TEX264: variants seen among roughly 807,000 people sequenced by gnomAD.
The protein encoded by TEX264 is testis-expressed protein 264.
A neutral mutation model predicts 23.4 loss-of-function variants in TEX264; 13 were observed. The ratio of observed to expected loss-of-function variants is 0.56; its 90% CI spans 0.36 to 0.88. The LOEUF (loss-of-function observed/expected upper bound fraction) is 0.88. Ranked by LOEUF, TEX264 falls within the 40% of genes least tolerant of loss-of-function variation. The probability of loss-of-function intolerance (pLI) is 0.01; values close to 1 mark genes in which losing one functional copy is unlikely to be tolerated. For synonymous variants in TEX264, 159 were observed against 170.0 expected, an observed-to-expected ratio of 0.94 and a Z score of 0.50; for missense variants, 340 against 406.8, an observed-to-expected ratio of 0.84 and a Z score of 1.41.
chr3:51,694,045 T>TCCTTCCTTCCTTCCTTCCTTCCTC (rs1702942792), intron 3 of TEX264, among the ~76,000 whole-genome samples: 1 of 117,370 alleles, frequency 8.5e-6, no homozygotes, highest in African/African-American at 3.3e-5. Flanking sequence ...CTTCCTTCCT[T>TCCTTCCTTCCTTCCTTCCTTCCTC]CCTCCCTTCC....
At chr3:51,702,423 G>A (rs1406174937) in intron 4 of TEX264, among the ~76,000 whole-genome samples, 2 of 152,216 alleles carry the variant, frequency 1.3e-5, no homozygotes, top group Admixed American at 6.5e-5. Context: ...TGCCAGTAGC[G>A]CCCAGAGGGC....
intron 3 of TEX264, among the ~76,000 whole-genome samples, chr3:51,692,281 T>A (rs183127382): frequency 1.3e-5 from 2 of 152,266 alleles, no homozygotes; most frequent in Admixed American, 1.3e-4. Flanking sequence ...AGCTTGAGAT[T>A]GGAATTAGGG....
chr3:51,691,712 G>A lies in TEX264; in HGVS notation c.480+7078G>A, dbSNP rs1000592317. On this transcript the variant is annotated intron_variant, in intron 3 of 4. Transcript: ENST00000341333. The surrounding 1 kb of genome is among the most constrained non-coding windows in gnomAD (Gnocchi z 4.4). ...CAGGCACTAGGGAGACACTGATGGCGTCTGAGCAGATGAGTGACAGTATCC... is the reference window on the plus strand; with the variant it reads ...CAGGCACTAGGGAGACACTGATGGCATCTGAGCAGATGAGTGACAGTATCC... 4.6e-5 allele frequency among the ~76,000 whole-genome samples: 7 copies of A among 152,150 alleles called. No homozygotes were observed. The highest frequency in any genetic ancestry group is 1.3e-4 in the Admixed American group (2 of 15,288).
chr3:51,690,227 G>A (rs1027712123), intron 3 of TEX264, among the ~76,000 whole-genome samples: 15 of 152,146 alleles, frequency 9.9e-5, no homozygotes, highest in African/African-American at 3.4e-4. Flanking sequence ...ACAAGGCCTC[G>A]GCCGGGGAAA....
In TEX264 at chr3:51,691,691, C is replaced by T. The variant is rs1702836095; in HGVS notation, c.480+7057C>T. Among the ~76,000 whole-genome samples the T allele has an allele frequency of 6.6e-6, 1 of 152,158 alleles. No individual in the cohort carries two copies. Among genetic ancestry groups the T allele is most frequent in the African/African-American group, 2.4e-5 (1 of 41,398 alleles). Reference sequence around the variant, plus strand: ...AGAGATATAGGCTGGGTCCTGCAGGCACTAGGGAGACACTGATGGCGTCTG... The same window carrying T: ...AGAGATATAGGCTGGGTCCTGCAGGTACTAGGGAGACACTGATGGCGTCTG... On this transcript the variant is annotated intron_variant, in intron 3 of 4. Transcript: ENST00000341333. The surrounding 1 kb of genome is among the most constrained non-coding windows in gnomAD (Gnocchi z 4.4).
chr3:51,690,190 C>T (rs143501748), intron 3 of TEX264, among the ~76,000 whole-genome samples: 8 of 152,310 alleles, frequency 5.3e-5, no homozygotes, highest in Non-Finnish European at 1.0e-4. Context: ...TGAGTCCACA[C>T]TGGGGCCAAA....
chr3:51,684,741 C>A (rs940731340), intron 3 of TEX264, 107 bp downstream of exon 3: 15 of 1,080,120 alleles, frequency 1.4e-5, no homozygotes, highest in Non-Finnish European at 2.0e-5. Flanking sequence ...GGGAGAGCAG[C>A]ACCCTGGGGC....
In TEX264 at chr3:51,684,055, C is replaced by T. The variant is rs886302196; in HGVS notation, c.259-358C>T. 12 of 278,752 alleles carry T rather than the reference C, an allele frequency of 4.3e-5. No individual in the cohort carries two copies. The South Asian group carries it at 5.1e-4, about 12-fold the overall frequency. The allele number at this position is 278,752 out of a possible 1,614,324, so 17.3% of individuals were successfully genotyped here. A position where few individuals can be genotyped will look rare whatever the true frequency, so the allele number is the denominator to read the frequency against. On this transcript the variant is annotated intron_variant, in intron 2 of 4. Coordinates refer to ENST00000341333, the MANE Select transcript of TEX264 (RefSeq NM_015926.6). ...AGGGTCTTATGGTGGGGTGGAAGGG[C>T]CCCCTCAGTGGAGCCATGTGGAGGG...
In TEX264 at chr3:51,684,648, C is replaced by A. The variant is rs1307516037; in HGVS notation, c.480+14C>A. The A allele has an allele frequency of 3.7e-6, 6 of 1,613,292 alleles. No homozygotes were observed. The South Asian group carries it at 6.6e-5, about 18-fold the overall frequency. ...ACCTACATCAAGGTGAGGCACAGGC[C>A]TGGGGTGTGTGTGTTGGGGACAGCC... On this transcript the variant is annotated intron_variant, in intron 3 of 4. Transcript: ENST00000341333.
At position 51,684,396 on chromosome 3, in the gene TEX264, A is replaced by C; in HGVS notation, c.259-17A>C. The C allele has an allele frequency of 1.9e-6, 3 of 1,612,990 alleles. No individual in the cohort carries two copies. Among genetic ancestry groups the C allele is most frequent in the Non-Finnish European group, 2.5e-6 (3 of 1,179,110 alleles). ...CTTCCTTTGGCCAACTCTCACACCC[A>C]TGCTTTGCTTCCCCAGGTGCCCCCT... is the stretch of plus-strand genomic sequence containing the variant. On this transcript the variant is annotated splice_polypyrimidine_tract_variant and intron_variant, in intron 2 of 4. Coordinates refer to ENST00000341333, the MANE Select transcript of TEX264 (RefSeq NM_015926.6).
At chr3:51,689,034 G>A (rs1026305211) in intron 3 of TEX264, among the ~76,000 whole-genome samples, 2 of 152,062 alleles carry the variant, frequency 1.3e-5, no homozygotes, top group Admixed American at 6.6e-5. Context: ...TGGGAGGATC[G>A]CTTGAGCCTG....
At position 51,674,584 on chromosome 3, in the gene TEX264, C is replaced by T. The variant is rs371553433; in HGVS notation, c.258+22C>T. ...CATGGTAAGGAGTCTCCATGGGGTT[C>T]TGCCCCATGGATGGGCCTGGTGGGC... On this transcript the variant is annotated intron_variant, in intron 2 of 4. Coordinates refer to ENST00000341333, the MANE Select transcript of TEX264 (RefSeq NM_015926.6). 41 of 1,609,338 alleles carry T rather than the reference C, an allele frequency of 2.5e-5. No individual in the cohort carries two copies. The African/African-American group carries it at 4.8e-4, about 19-fold the overall frequency.
chr3:51,675,562 C>T (rs938049286), intron 2 of TEX264, among the ~76,000 whole-genome samples: 1 of 152,194 alleles, frequency 6.6e-6, no homozygotes. Context: ...TGGCTCTGCC[C>T]TCAGGAAGCT....
At chr3:51,674,769 G>A (rs545431763) in intron 2 of TEX264, among the ~76,000 whole-genome samples, 1 of 152,332 alleles carries the variant, frequency 6.6e-6, no homozygotes, top group East Asian at 1.9e-4. Context: ...TATTTGCCCA[G>A]GTCTGGTTCC....
chr3:51,671,755 C>A (rs1378591431), intron 1 of TEX264: 1 of 152,722 alleles, frequency 6.5e-6, no homozygotes, highest in East Asian at 1.9e-4. Context: ...AGGCGGCGGC[C>A]CCCCACCCTC....
intron 2 of TEX264, among the ~76,000 whole-genome samples, chr3:51,677,488 G>A (rs1702270413): frequency 6.6e-6 from 1 of 152,202 alleles, no homozygotes; most frequent in African/African-American, 2.4e-5. Flanking sequence ...AGTGACAGGA[G>A]CCAGAACCTG....
Position 51,686,630 on chromosome 3 carries a change from G to A in TEX264, c.480+1996G>A, listed in dbSNP as rs978722506. On this transcript the variant is annotated intron_variant, in intron 3 of 4. Coordinates refer to ENST00000341333, the MANE Select transcript of TEX264 (RefSeq NM_015926.6). The surrounding 1 kb of genome is among the most constrained non-coding windows in gnomAD (Gnocchi z 4.1). ...AGCTGGAGGGTGGTGGCCAAAAGGGGTGTGGGGCAGGATGTGCTTGCCTGG... is the reference window on the plus strand; with the variant it reads ...AGCTGGAGGGTGGTGGCCAAAAGGGATGTGGGGCAGGATGTGCTTGCCTGG... Among the ~76,000 whole-genome samples the A allele has an allele frequency of 6.6e-6, 1 of 152,056 alleles. No homozygotes were observed. Among genetic ancestry groups the A allele is most frequent in the Non-Finnish European group, 1.5e-5 (1 of 68,010 alleles).
intron 3 of TEX264, among the ~76,000 whole-genome samples, chr3:51,693,793 C>G (rs1297259219): frequency 1.3e-5 from 2 of 152,098 alleles, no homozygotes; most frequent in South Asian, 2.1e-4. Context: ...ATTATGTTTT[C>G]TACTTGGCTG....
chr3:51,703,869 G>T lies in TEX264; in HGVS notation c.795G>T (p.Glu265Asp). Reference sequence around the variant, plus strand: ...CCCGCAGCGAGCACAGCTACAGCGAGTCAGGTGCCAGCGGCTCCTCTTTTG... The same window carrying T: ...CCCGCAGCGAGCACAGCTACAGCGATTCAGGTGCCAGCGGCTCCTCTTTTG... ...GDTRSEHSYS[E>D]SGASGSSFEE... is the part of the protein sequence containing the mutation. Residue 265 changes from glutamate (E) to aspartate (D), a missense_variant, in exon 5 of 5, where the codon GAG (glutamate) becomes GAT (aspartate). Glu to Asp is a conservative substitution (Grantham distance 45). Coordinates refer to ENST00000341333, the MANE Select transcript of TEX264 (RefSeq NM_015926.6). The surrounding 1 kb of genome is among the most constrained non-coding windows in gnomAD (Gnocchi z 4.8). 6.2e-7 allele frequency: 1 copy of T among 1,612,528 alleles called. No individual in the cohort carries two copies. Among genetic ancestry groups the T allele is most frequent in the South Asian group, 1.1e-5 (1 of 91,042 alleles).
Sources: allele counts gnomAD v4.1 joint callset (sites outside exome capture counted in the v4.1 genomes callset), GRCh38; gene constraint gnomAD v4.1.1; non-coding constraint Gnocchi (gnomAD v3.1); transcripts MANE v1.5; gene names NCBI Gene and HGNC (gene_info 2026-07-23, HGNC 2026-07-21).